The following SLC31A2 variants were observed in gnomAD, a reference collection of about 807,000 sequenced individuals.
SLC31A2 encodes protein SLC31A2.
SLC31A2 carries 16 observed loss-of-function variants against 14.4 expected under a neutral mutation model. The observed-to-expected ratio is 1.11, with a 90% CI of 0.75 to 1.69. SLC31A2 has a LOEUF of 1.69. Ranked by LOEUF, SLC31A2 falls within the 40% of genes most tolerant of loss-of-function variation. SLC31A2 has a pLI of 0.00. For missense variants in SLC31A2, 140 were observed against 173.9 expected (o/e 0.81, Z 1.10); for synonymous variants, 56 against 68.7 (o/e 0.82, Z 0.91).
chr9:113,161,284 C>A, intron 2 of SLC31A2: 1 of 543,144 alleles, frequency 1.8e-6, no homozygotes, highest in Non-Finnish European at 3.2e-6. Context: ...GCTTCTTCAC[C>A]CTCAGCCCCT....
chr9:113,157,428 C>T (rs1205592090), intron 1 of SLC31A2, among the ~76,000 whole-genome samples: 2 of 152,196 alleles, frequency 1.3e-5, no homozygotes, highest in African/African-American at 4.8e-5. Flanking sequence ...GAGGGGACAT[C>T]CCCACATAGT....
rs140323545 is a variant in SLC31A2, at chr9:113,160,227, G to A, written c.74-1282G>A. Among the ~76,000 whole-genome samples, 949 of 152,154 alleles carry A rather than the reference G, an allele frequency of 6.2e-3. 9 individuals carry two copies. The highest frequency in any genetic ancestry group is 0.01 in the Non-Finnish European group (701 of 67,982). Reference sequence around the variant, plus strand: ...AAAAAAAAAAGTACAATGAATAGCTGTGTGGAAAAGATGCATGGGGCAAGG... The same window carrying A: ...AAAAAAAAAAGTACAATGAATAGCTATGTGGAAAAGATGCATGGGGCAAGG... On this transcript the variant is annotated intron_variant, in intron 2 of 3. Coordinates refer to ENST00000259392, the MANE Select transcript of SLC31A2 (RefSeq NM_001860.3).
At chr9:113,161,992 C>A in intron 3 of SLC31A2, 1 of 492,532 alleles carries the variant, frequency 2.0e-6, no homozygotes, top group South Asian at 1.9e-5. Flanking sequence ...GCCACCCACC[C>A]TCCCCCAAAT....
At position 113,161,549 on chromosome 9, in the gene SLC31A2, A is replaced by G; in HGVS notation, c.114A>G (p.Val38=). ...TGTTGGTGCTCCTGCTTCTGGCTGTACTGTATGAAGGCATCAAGGTTGGCA... is the reference window on the plus strand; with the variant it reads ...TGTTGGTGCTCCTGCTTCTGGCTGTGCTGTATGAAGGCATCAAGGTTGGCA... ...LSVLVLLLLA[V]LYEGIKVGKA... The change falls in exon 3 of 4, where the codon GTA becomes GTG. Residue 38 remains valine, a synonymous_variant. Coordinates refer to ENST00000259392, the MANE Select transcript of SLC31A2 (RefSeq NM_001860.3). 6.2e-7 allele frequency: 1 copy of G among 1,614,000 alleles called. No individual in the cohort carries two copies. The highest frequency in any genetic ancestry group is 8.5e-7 in the Non-Finnish European group (1 of 1,179,886).
At chr9:113,152,266 G>A (rs531296834) in intron 1 of SLC31A2, 2 of 152,380 alleles carry the variant, frequency 1.3e-5, no homozygotes, top group Non-Finnish European at 2.9e-5. Flanking sequence ...TCCCAAGTAG[G>A]AAAACAAGAT....
At chr9:113,154,541 G>A (rs975267262) in intron 1 of SLC31A2, among the ~76,000 whole-genome samples, 17 of 152,184 alleles carry the variant, frequency 1.1e-4, no homozygotes, top group African/African-American at 4.1e-4. Context: ...TCTGACCCTG[G>A]ACTCTGATTT....
rs766795862 is a variant in SLC31A2 at position 113,162,929 on chromosome 9, C to A, written c.*12C>A. On this transcript the variant is annotated 3_prime_UTR_variant, in exon 4 of 4. Transcript: ENST00000259392. ...TCAGCACAGCTTAGCTGGTGAGGAA[C>A]GTGCAGGCACTGAGGCTGGAGGGAC... The A allele has an allele frequency of 2.5e-6, 4 of 1,588,944 alleles. No individual in the cohort carries two copies. Among genetic ancestry groups the A allele is most frequent in the East Asian group, 2.3e-5 (1 of 43,268 alleles).
intron 1 of SLC31A2, among the ~76,000 whole-genome samples, chr9:113,156,871 C>T (rs1829940620): frequency 6.6e-6 from 1 of 152,224 alleles, no homozygotes; most frequent in African/African-American, 2.4e-5. Context: ...TCCAGCTAGA[C>T]TCAGGTTTGA....
At chr9:113,159,129 GA>G (rs970287686) in intron 2 of SLC31A2, among the ~76,000 whole-genome samples, 3 of 152,116 alleles carry the variant, frequency 2.0e-5, no homozygotes, top group African/African-American at 7.2e-5. Flanking sequence ...GGGGTGGGAA[GA>G]AAACTGATCT....
At chr9:113,156,118 C>T (rs761203495) in intron 1 of SLC31A2, 2 of 518,690 alleles carry the variant, frequency 3.9e-6, no homozygotes, top group South Asian at 2.8e-5. Context: ...CTAATCAAAT[C>T]TGCCTACCTT....
rs994263280 is a variant in SLC31A2, at chr9:113,163,761, A to C, written c.*844A>C. ...TGTCTGGGAAGCTCTTCGTGGCCTC[A>C]ATGCCCTCCTTTATCCTCATCTTTC... On this transcript the variant is annotated 3_prime_UTR_variant, in exon 4 of 4. Coordinates refer to ENST00000259392, the MANE Select transcript of SLC31A2 (RefSeq NM_001860.3). The C allele has an allele frequency of 2.0e-5, 3 of 152,602 alleles. No individual in the cohort carries two copies. Among genetic ancestry groups the C allele is most frequent in the Admixed American group, 2.0e-4 (3 of 15,294 alleles). 9.5% of individuals were successfully genotyped at this position (152,602 alleles called of 1,614,324 possible). A position where few individuals can be genotyped will look rare whatever the true frequency, so the allele number is the denominator to read the frequency against.
intron 1 of SLC31A2, among the ~76,000 whole-genome samples, chr9:113,155,326 A>T (rs1012330211): frequency 2.0e-5 from 3 of 152,256 alleles, no homozygotes; most frequent in Non-Finnish European, 4.4e-5. Context: ...CAGCCCACCC[A>T]GGCAAAATTC....
rs76884047 is a variant in SLC31A2, at chr9:113,159,779, G to A, written c.74-1730G>A. 6.8e-3 allele frequency among the ~76,000 whole-genome samples: 1,032 copies of A among 152,292 alleles called. 12 individuals carry two copies. The highest frequency in any genetic ancestry group is 0.024 in the African/African-American group (994 of 41,558). On this transcript the variant is annotated intron_variant, in intron 2 of 3. Coordinates refer to ENST00000259392, the MANE Select transcript of SLC31A2 (RefSeq NM_001860.3). The stretch of plus-strand genomic sequence containing the variant: ...AATTGCAAGTCCCAGCTTGTCTCCC[G>A]TACTTCTGGCCAACTGGCTATATGT...
intron 3 of SLC31A2, 109 bp downstream of exon 3, chr9:113,161,807 G>A: frequency 7.9e-7 from 1 of 1,270,756 alleles, no homozygotes; most frequent in Non-Finnish European, 1.1e-6. Context: ...GCGAGGCCCA[G>A]GGAAGGACCA....
rs1292949249 is a variant in SLC31A2 at position 113,151,175 on chromosome 9, C to A, written c.6+95C>A. ...CACCCCGAATCCTCGCTGCCGCTGGCCCGGGGCTGGTGAAGGGTGTGTTGG... is the reference window on the plus strand; with the variant it reads ...CACCCCGAATCCTCGCTGCCGCTGGACCGGGGCTGGTGAAGGGTGTGTTGG... On this transcript the variant is annotated intron_variant, in intron 1 of 3. Transcript: ENST00000259392. This position sits in a 1 kb window ranked among gnomAD's most constrained non-coding sequence, Gnocchi z 4.2. 2.9e-5 allele frequency: 35 copies of A among 1,213,060 alleles called. No individual in the cohort carries two copies. Among genetic ancestry groups the A allele is most frequent in the Non-Finnish European group, 3.6e-5 (34 of 952,484 alleles). The allele number at this position is 1,213,060 out of a possible 1,614,324, so 75.1% of individuals were successfully genotyped here.
At chr9:113,162,069 T>G (rs563892085) in intron 3 of SLC31A2, 18 of 354,818 alleles carry the variant, frequency 5.1e-5, no homozygotes, top group African/African-American at 3.6e-4. Context: ...CCTGAAGCAA[T>G]GTATCCCACT....
At chr9:113,158,886 G>T (rs1829968942) in intron 2 of SLC31A2, among the ~76,000 whole-genome samples, 1 of 152,196 alleles carries the variant, frequency 6.6e-6, no homozygotes, top group African/African-American at 2.4e-5. Flanking sequence ...AGAAGGGGAT[G>T]TGGGGTGGGA....
intron 1 of SLC31A2, among the ~76,000 whole-genome samples, chr9:113,156,374 T>C (rs939909840): frequency 3.9e-5 from 6 of 152,200 alleles, no homozygotes; most frequent in African/African-American, 1.4e-4. Flanking sequence ...TTTTTCAAAC[T>C]GAGTTTCATC....
rs1450473177 is a variant in SLC31A2 at position 113,161,552 on chromosome 9, G to T, written c.117G>T (p.Leu39=). The T allele has an allele frequency of 3.1e-6, 5 of 1,614,034 alleles. No individual in the cohort carries two copies. Among genetic ancestry groups the T allele is most frequent in the Non-Finnish European group, 8.5e-7 (1 of 1,179,896 alleles). Residue 39 remains leucine, a synonymous_variant, in exon 3 of 4, where the codon CTG becomes CTT. Transcript: ENST00000259392. ...TGGTGCTCCTGCTTCTGGCTGTACT[G>T]TATGAAGGCATCAAGGTTGGCAAAG... is the stretch of plus-strand genomic sequence containing the variant. ...SVLVLLLLAV[L]YEGIKVGKAK... is the part of the protein sequence containing the mutation.
Sources: gnomAD v4.1 joint callset for allele counts (sites outside exome capture counted in the v4.1 genomes callset) on GRCh38, gnomAD v4.1.1 for gene constraint, Gnocchi (gnomAD v3.1) non-coding constraint, MANE v1.5 for transcripts, NCBI Gene and HGNC (gene_info 2026-07-23, HGNC 2026-07-21) for gene names.